ACOXL: variants seen among roughly 807,000 people sequenced by gnomAD.
ACOXL encodes the protein acyl-coenzyme A oxidase-like protein.
In ACOXL, 70 loss-of-function variants were observed where a neutral mutation model predicts 71.9. The observed-to-expected ratio is 0.97, with a 90% CI of 0.80 to 1.19. The LOEUF (loss-of-function observed/expected upper bound fraction) is 1.19, where lower values mean the gene tolerates loss of function less well. Among genes scored for constraint, ACOXL ranks in the 50% most tolerant of loss-of-function variants. ACOXL has a pLI of 0.00. For missense variants in ACOXL, 703 were observed against 736.3 expected (o/e 0.95, Z 0.52); for synonymous variants, 253 against 281.6 (o/e 0.90, Z 1.02).
At position 110,766,674 on chromosome 2, in the gene ACOXL, TA is replaced by T. The variant is rs541522549; in HGVS notation, c.-22-1693del. Among the ~76,000 whole-genome samples the T allele has an allele frequency of 1.1e-3, 160 of 152,168 alleles. 2 individuals are homozygous for T. The highest frequency in any genetic ancestry group is 3.7e-3 in the African/African-American group (153 of 41,512). On this transcript the variant is annotated intron_variant, in intron 1 of 17. Coordinates refer to ENST00000439055, the MANE Select transcript of ACOXL (RefSeq NM_001142807.4). ...CTCCTTTTTCCTTGTTAATACCGAG[TA>T]GGGGTGAAGTCTCAGCTTCCCATTG...
rs202118033 is a variant in ACOXL at position 110,798,766 on chromosome 2, A to C, written c.460+42A>C. On this transcript the variant is annotated intron_variant, in intron 6 of 17. Transcript: ENST00000439055. ...GACAACTAGAATAATTCTCTTCATT[A>C]GTACTATTTACCAGTGAAAAACCAT... 2.4e-4 allele frequency: 369 copies of C among 1,557,220 alleles called. 1 individual carries two copies. In the African/African-American group the frequency reaches 4.3e-3, roughly 18 times the overall value.
chr2:110,817,640 G>A (rs964142946), intron 9 of ACOXL, among the ~76,000 whole-genome samples: 3 of 152,178 alleles, frequency 2.0e-5, no homozygotes, highest in African/African-American at 7.2e-5. Context: ...CCTACATCTT[G>A]TGCTTGATTT....
At chr2:110,989,811 C>T (rs547682402) in intron 13 of ACOXL, among the ~76,000 whole-genome samples, 8 of 152,204 alleles carry the variant, frequency 5.3e-5, no homozygotes, top group South Asian at 4.2e-4. Context: ...GAGGCTGAGA[C>T]GGGTGGATCA....
intron 16 of ACOXL, among the ~76,000 whole-genome samples, chr2:111,067,849 C>T (rs1346050753): frequency 6.6e-6 from 1 of 152,196 alleles, no homozygotes; most frequent in Non-Finnish European, 1.5e-5. Context: ...GGAAATGGCC[C>T]TGCTTTCAGG....
chr2:110,957,779 A>G (rs556226255), intron 12 of ACOXL, among the ~76,000 whole-genome samples: 10 of 152,264 alleles, frequency 6.6e-5, no homozygotes, highest in African/African-American at 2.4e-4. Flanking sequence ...GTGGGGGACC[A>G]GGGGTGCTGG....
In ACOXL at chr2:110,821,749, A is replaced by G. The variant is rs558656542; in HGVS notation, c.753+16354A>G. Among the ~76,000 whole-genome samples, 8 of 152,210 alleles carry G rather than the reference A, an allele frequency of 5.3e-5. No individual in the cohort carries two copies. The South Asian group carries it at 1.7e-3, about 32-fold the overall frequency. ...TATTTGGAATTCTTTTGCATGGGAAATTTGTCTTTTCTCCCTCATTATTTA... is the reference window on the plus strand; with the variant it reads ...TATTTGGAATTCTTTTGCATGGGAAGTTTGTCTTTTCTCCCTCATTATTTA... On this transcript the variant is annotated intron_variant, in intron 9 of 17. Coordinates refer to ENST00000439055, the MANE Select transcript of ACOXL (RefSeq NM_001142807.4).
chr2:111,061,558 G>A (rs1172868671), intron 16 of ACOXL, among the ~76,000 whole-genome samples: 2 of 152,154 alleles, frequency 1.3e-5, no homozygotes, highest in African/African-American at 4.8e-5. Flanking sequence ...CATCAGGAAA[G>A]AAGAAAGAAT....
At chr2:111,081,469 G>T (rs2067913701) in intron 16 of ACOXL, among the ~76,000 whole-genome samples, 1 of 152,186 alleles carries the variant, frequency 6.6e-6, no homozygotes, top group South Asian at 2.1e-4. Flanking sequence ...TACAAGGGAT[G>T]TGAAGGACAT....
At chr2:110,734,158 ATTAG>A (rs1361801388) in intron 1 of ACOXL, among the ~76,000 whole-genome samples, 1 of 152,190 alleles carries the variant, frequency 6.6e-6, no homozygotes, top group Non-Finnish European at 1.5e-5. Context: ...TAATAGATTT[ATTAG>A]TTATTTTCAA....
intron 12 of ACOXL, among the ~76,000 whole-genome samples, chr2:110,937,100 C>T (rs545524059): frequency 6.6e-5 from 10 of 152,250 alleles, no homozygotes; most frequent in Admixed American, 6.5e-5. Flanking sequence ...GAGGCTTCAT[C>T]GCATAGGCAT....
In ACOXL at chr2:110,805,362, A is replaced by G; in HGVS notation, c.720A>G (p.Leu240=). 1 of 1,614,248 alleles carries G rather than the reference A, an allele frequency of 6.2e-7. No homozygotes were observed. The highest frequency in any genetic ancestry group is 8.5e-7 in the Non-Finnish European group (1 of 1,180,040). The part of the protein sequence containing the change: ...AMLAALTPSR[L]AVAFQAMGAM... ...TGGCAGCACTGACCCCTTCGAGATTAGCTGTGGCTTTCCAAGCTATGGGTG... is the reference window on the plus strand; with the variant it reads ...TGGCAGCACTGACCCCTTCGAGATTGGCTGTGGCTTTCCAAGCTATGGGTG... Residue 240 remains leucine (L), a synonymous_variant, in exon 9 of 18, where the codon TTA becomes TTG. Coordinates refer to ENST00000439055, the MANE Select transcript of ACOXL (RefSeq NM_001142807.4).
intron 13 of ACOXL, among the ~76,000 whole-genome samples, chr2:110,993,706 C>T (rs2063276211): frequency 6.6e-6 from 1 of 152,136 alleles, no homozygotes; most frequent in Non-Finnish European, 1.5e-5. Flanking sequence ...GAAACTGTGA[C>T]AACATTTTGC....
chr2:110,874,818 C>T (rs2149060362), intron 10 of ACOXL, among the ~76,000 whole-genome samples: 1 of 152,230 alleles, frequency 6.6e-6, no homozygotes, highest in Middle Eastern at 3.4e-3. Flanking sequence ...TTCTTGGGCT[C>T]CATCCCGGAT....
At chr2:111,053,933 C>T (rs191832626) in intron 16 of ACOXL, among the ~76,000 whole-genome samples, 55 of 152,340 alleles carry the variant, frequency 3.6e-4, no homozygotes, top group Non-Finnish European at 6.2e-4. Flanking sequence ...GGTCAGGAGA[C>T]AAGAGCTAGT....
At chr2:110,895,193 A>G (rs541520697) in intron 10 of ACOXL, among the ~76,000 whole-genome samples, 3 of 152,206 alleles carry the variant, frequency 2.0e-5, no homozygotes, top group Non-Finnish European at 4.4e-5. Flanking sequence ...CTCAGCAGAA[A>G]ATATAAAGTC....
intron 11 of ACOXL, among the ~76,000 whole-genome samples, chr2:110,909,817 G>A (rs567439849): frequency 6.6e-6 from 1 of 151,100 alleles, no homozygotes; most frequent in African/African-American, 2.4e-5. Context: ...TGTTCTTATT[G>A]TACACAAGAC....
At chr2:110,790,953 C>T (rs533976317) in intron 3 of ACOXL, among the ~76,000 whole-genome samples, 1 of 152,372 alleles carries the variant, frequency 6.6e-6, no homozygotes, top group East Asian at 1.9e-4. Flanking sequence ...CCCAACAACT[C>T]TGTCTCCAGA....
At chr2:110,896,102 A>G (rs1471057173) in intron 10 of ACOXL, among the ~76,000 whole-genome samples, 2 of 152,156 alleles carry the variant, frequency 1.3e-5, no homozygotes, top group African/African-American at 4.8e-5. Context: ...ACACAGGGGA[A>G]AGAAACGAGA....
intron 11 of ACOXL, among the ~76,000 whole-genome samples, chr2:110,912,216 C>CA (rs1650598523): frequency 6.6e-6 from 1 of 152,048 alleles, no homozygotes; most frequent in Non-Finnish European, 1.5e-5. Flanking sequence ...AGATATAAAG[C>CA]AGTCTCTATC....
Sources: allele counts gnomAD v4.1 joint callset (sites outside exome capture counted in the v4.1 genomes callset), GRCh38; gene constraint gnomAD v4.1.1; transcripts MANE v1.5; gene names NCBI Gene and HGNC (gene_info 2026-07-23, HGNC 2026-07-21).